Variants in SLIT2 observed in about 807,000 individuals in gnomAD.
SLIT2 encodes the protein slit homolog 2 protein.
A neutral mutation model predicts 185.7 loss-of-function variants in SLIT2; 41 were observed. The ratio of observed to expected loss-of-function variants is 0.22; its 90% CI spans 0.17 to 0.29. The LOEUF is 0.29. SLIT2 is among the 10% of genes least tolerant of loss of function. SLIT2 has a pLI of 1.00. For synonymous variants in SLIT2, 693 were observed against 680.2 expected, an observed-to-expected ratio of 1.02 and a Z score of -0.29; for missense variants, 1,571 against 1,909.0, an observed-to-expected ratio of 0.82 and a Z score of 3.30.
intron 21 of SLIT2, among the ~76,000 whole-genome samples, chr4:20,542,841 TGTGTGTGTGTGTGTGTGTGTGC>T (rs1407609631): frequency 4.3e-4 from 41 of 96,066 alleles, no homozygotes; most frequent in East Asian, 1.4e-3. Flanking sequence ...TGTGTGTGTG[TGTGTGTGTGTGTGTGTGTGTGC>T]GCTATAAGAT....
At chr4:20,617,389 T>C in intron 35 of SLIT2, 50 bp from the exon 36 acceptor site, 1 of 1,539,590 alleles carries the variant, frequency 6.5e-7, no homozygotes, top group Non-Finnish European at 9.0e-7. Context: ...CGTTCATTCT[T>C]ACCTCCTCTT....
chr4:20,416,387 T>C (rs894642478), intron 4 of SLIT2, among the ~76,000 whole-genome samples: 4 of 152,184 alleles, frequency 2.6e-5, no homozygotes, highest in Admixed American at 1.3e-4. Context: ...CACATACTTA[T>C]TATCTCATTA....
At chr4:20,489,359 T>C in intron 8 of SLIT2, among the ~76,000 whole-genome samples, 1 of 152,192 alleles carries the variant, frequency 6.6e-6, no homozygotes, top group East Asian at 1.9e-4. Context: ...TGCTATGAAA[T>C]TCAAAGAGCA....
intron 4 of SLIT2, among the ~76,000 whole-genome samples, chr4:20,311,832 T>C (rs1237956136): frequency 6.6e-6 from 1 of 152,206 alleles, no homozygotes; most frequent in Non-Finnish European, 1.5e-5. Context: ...TGAATTAGTA[T>C]TCAGATGAAA....
At chr4:20,544,039 G>A (rs892212545) in intron 21 of SLIT2, among the ~76,000 whole-genome samples, 3 of 151,958 alleles carry the variant, frequency 2.0e-5, no homozygotes, top group African/African-American at 7.3e-5. Context: ...TGGGGGGATG[G>A]GGGAGGGATA....
At chr4:20,578,816 A>T (rs1726281491) in intron 29 of SLIT2, among the ~76,000 whole-genome samples, 1 of 152,210 alleles carries the variant, frequency 6.6e-6, no homozygotes, top group South Asian at 2.1e-4. Context: ...CATTTAGTGT[A>T]AAACAAATTA....
At chr4:20,349,060 C>A (rs1721660632) in intron 4 of SLIT2, among the ~76,000 whole-genome samples, 1 of 152,034 alleles carries the variant, frequency 6.6e-6, no homozygotes, top group Non-Finnish European at 1.5e-5. Context: ...TGTGCCATTC[C>A]CAAAGAGAAA....
intron 11 of SLIT2, among the ~76,000 whole-genome samples, chr4:20,512,476 T>A (rs1719843495): frequency 6.6e-6 from 1 of 152,174 alleles, no homozygotes; most frequent in Non-Finnish European, 1.5e-5. Flanking sequence ...TCTTTTTGAC[T>A]TGGAGGGTTT....
chr4:20,539,136 A>G (rs932796088), intron 18 of SLIT2, among the ~76,000 whole-genome samples: 1 of 152,200 alleles, frequency 6.6e-6, no homozygotes, highest in African/African-American at 2.4e-5. Flanking sequence ...TTAGGACATT[A>G]TGCAATCACG....
chr4:20,543,780 C>A (rs779624707), intron 21 of SLIT2, among the ~76,000 whole-genome samples: 2 of 152,156 alleles, frequency 1.3e-5, no homozygotes, highest in Non-Finnish European at 2.9e-5. Flanking sequence ...GAACACGGCT[C>A]TTAGATTTGA....
chr4:20,455,003 C>T (rs1166015014), intron 4 of SLIT2, among the ~76,000 whole-genome samples: 1 of 152,054 alleles, frequency 6.6e-6, no homozygotes, highest in Non-Finnish European at 1.5e-5. Flanking sequence ...ATTCCCCACT[C>T]CACTTCTTGT....
chr4:20,548,334 C>T (rs1577904483), intron 22 of SLIT2, among the ~76,000 whole-genome samples, 154 bp from the exon 23 acceptor site: 1 of 152,124 alleles, frequency 6.6e-6, no homozygotes, highest in African/African-American at 2.4e-5. Context: ...TTGCAATCTA[C>T]TCCAGTGGGT....
At chr4:20,415,387 G>A (rs1727574801) in intron 4 of SLIT2, among the ~76,000 whole-genome samples, 1 of 139,324 alleles carries the variant, frequency 7.2e-6, no homozygotes, top group Admixed American at 7.5e-5. Flanking sequence ...CTCCAGCCTG[G>A]GTGACAGAGG....
chr4:20,256,037 C>A (rs111986704), intron 1 of SLIT2, among the ~76,000 whole-genome samples: 3,822 of 152,270 alleles, frequency 0.025, 153 homozygotes, highest in African/African-American at 0.088. Context: ...TATTTCCATT[C>A]TTGCCCCTGT....
intron 4 of SLIT2, among the ~76,000 whole-genome samples, chr4:20,466,331 C>T (rs936784840): frequency 1.3e-5 from 2 of 152,034 alleles, no homozygotes; most frequent in African/African-American, 2.4e-5. Context: ...GATTAATACT[C>T]TTAGGGATAT....
rs116764641 is a variant in SLIT2 at position 20,459,567 on chromosome 4, G to A, written c.396-8185G>A. 3.9e-3 allele frequency among the ~76,000 whole-genome samples: 592 copies of A among 152,214 alleles called. 3 individuals carry two copies. Among genetic ancestry groups the A allele is most frequent in the African/African-American group, 0.013 (558 of 41,532 alleles). ...CTGAAAGGAGATTTATGTATGCAGC[G>A]TGTAGTTCAGTTCCCACCATGATAC... On this transcript the variant is annotated intron_variant, in intron 4 of 36. Coordinates refer to ENST00000504154, the MANE Select transcript of SLIT2 (RefSeq NM_004787.4).
Position 20,531,864 on chromosome 4 carries a change from G to GTAT in SLIT2, c.1614-118_1614-116dup. 5.2e-6 allele frequency: 3 copies of GTAT among 573,408 alleles called. No homozygotes were observed. In the South Asian group the frequency reaches 6.8e-5, roughly 13 times the overall value. 35.5% of individuals were successfully genotyped at this position (573,408 alleles called of 1,614,324 possible). A position where few individuals can be genotyped will look rare whatever the true frequency, so the allele number is the denominator to read the frequency against. Reference sequence around the variant, plus strand: ...GTTCCACAAATCTTCTGTGATTTATGTATTTCCTTTTATTTTCCTGGTATC... The same window carrying GTAT: ...GTTCCACAAATCTTCTGTGATTTATGTATTATTTCCTTTTATTTTCCTGGTATC... On this transcript the variant is annotated intron_variant, in intron 16 of 36. Coordinates refer to ENST00000504154, the MANE Select transcript of SLIT2 (RefSeq NM_004787.4).
At position 20,364,397 on chromosome 4, in the gene SLIT2, C is replaced by A. The variant is rs142366058; in HGVS notation, c.395+95516C>A. 489 of 364,476 alleles carry A rather than the reference C, an allele frequency of 1.3e-3. 13 individuals are homozygous for A. Among genetic ancestry groups the A allele is most frequent in the Non-Finnish European group, 1.7e-4 (44 of 262,494 alleles). The allele number at this position is 364,476 out of a possible 1,614,324, so 22.6% of individuals were successfully genotyped here. ...CTGCAAAGAGAAAAAGAAAGCTGAC[C>A]TGCCCATTTTAACATTTTAACAGAT... On this transcript the variant is annotated intron_variant, in intron 4 of 36. Transcript: ENST00000504154.
In SLIT2 at chr4:20,306,408, A is replaced by G. The variant is rs944948273; in HGVS notation, c.395+37527A>G. Among the ~76,000 whole-genome samples the G allele has an allele frequency of 2.0e-5, 3 of 152,142 alleles. No individual in the cohort carries two copies. In the East Asian group the frequency reaches 5.8e-4, roughly 29 times the overall value. The stretch of plus-strand genomic sequence containing the variant: ...AAGTAGCTTATGCTCCTTTCCCAAC[A>G]TCAGTATGTAGAATGTGCCCCTATG... On this transcript the variant is annotated intron_variant, in intron 4 of 36. Coordinates refer to ENST00000504154, the MANE Select transcript of SLIT2 (RefSeq NM_004787.4).
Sources: allele counts gnomAD v4.1 joint callset (sites outside exome capture counted in the v4.1 genomes callset), GRCh38; gene constraint gnomAD v4.1.1; transcripts MANE v1.5; gene names NCBI Gene and HGNC (gene_info 2026-07-23, HGNC 2026-07-21).